The following MEI4 variants were observed in gnomAD, a reference collection of about 807,000 sequenced individuals.
MEI4 encodes meiosis-specific protein MEI4.
A neutral mutation model predicts 31.4 loss-of-function variants in MEI4; 27 were observed. That is an observed-to-expected ratio of 0.86 (90% CI 0.63 to 1.19). The LOEUF is 1.19. Ranked by LOEUF, MEI4 falls within the 50% of genes most tolerant of loss-of-function variation. The pLI is 0.00. For synonymous variants in MEI4, 122 were observed against 145.4 expected (o/e 0.84, Z 1.16); for missense variants, 329 against 398.9 (o/e 0.82, Z 1.49).
chr6:77,763,254 T>C (rs1282505791), intron 3 of MEI4, among the ~76,000 whole-genome samples: 1 of 152,044 alleles, frequency 6.6e-6, no homozygotes. Flanking sequence ...AGGTGCAAGC[T>C]GTGCTGCCTG....
At chr6:77,756,985 A>G (rs960041188) in intron 2 of MEI4, among the ~76,000 whole-genome samples, 4 of 152,196 alleles carry the variant, frequency 2.6e-5, no homozygotes, top group African/African-American at 7.2e-5. Context: ...AATGAACACT[A>G]TAATGGAAAT....
At chr6:77,861,470 T>C (rs933384468) in intron 4 of MEI4, among the ~76,000 whole-genome samples, 2 of 152,214 alleles carry the variant, frequency 1.3e-5, no homozygotes, top group Non-Finnish European at 2.9e-5. Context: ...AGATGAACTA[T>C]TTATGTCAAC....
chr6:77,857,571 C>G (rs546030912), intron 4 of MEI4, among the ~76,000 whole-genome samples: 17 of 152,288 alleles, frequency 1.1e-4, no homozygotes, highest in Admixed American at 2.0e-4. Flanking sequence ...GGAATACTCT[C>G]CTACTCATGA....
At chr6:77,801,540 T>G (rs916558287) in intron 3 of MEI4, among the ~76,000 whole-genome samples, 1 of 152,200 alleles carries the variant, frequency 6.6e-6, no homozygotes, top group African/African-American at 2.4e-5. Context: ...CTTTTGAATG[T>G]GTTTGCTCTT....
intron 3 of MEI4, among the ~76,000 whole-genome samples, chr6:77,804,687 A>G (rs775371531): frequency 2.0e-5 from 3 of 152,210 alleles, no homozygotes; most frequent in Non-Finnish European, 2.9e-5. Flanking sequence ...GTTTCTGAGT[A>G]TACTGATATC....
intron 2 of MEI4, among the ~76,000 whole-genome samples, chr6:77,747,687 C>G (rs776567448): frequency 2.6e-5 from 4 of 152,154 alleles, no homozygotes; most frequent in African/African-American, 9.7e-5. Flanking sequence ...TGGTCCCTCT[C>G]AAGTCTCATA....
chr6:77,789,877 C>A (rs916016761), intron 3 of MEI4, among the ~76,000 whole-genome samples: 1 of 152,064 alleles, frequency 6.6e-6, no homozygotes, highest in South Asian at 2.1e-4. Context: ...ACTAGAAATA[C>A]CATTTGACCC....
At chr6:77,788,298 A>C (rs940568057) in intron 3 of MEI4, among the ~76,000 whole-genome samples, 7 of 152,236 alleles carry the variant, frequency 4.6e-5, no homozygotes, top group Non-Finnish European at 1.0e-4. Context: ...CCAATATCAT[A>C]CTGAATAGGC....
chr6:77,670,011 C>T (rs1215776908), intron 1 of MEI4, among the ~76,000 whole-genome samples: 1 of 152,162 alleles, frequency 6.6e-6, no homozygotes, highest in Non-Finnish European at 1.5e-5. Context: ...TAAGTTTGTT[C>T]TCATCTCAGA....
chr6:77,830,538 C>T (rs535723836), intron 4 of MEI4, among the ~76,000 whole-genome samples: 1 of 152,000 alleles, frequency 6.6e-6, no homozygotes, highest in Non-Finnish European at 1.5e-5. Context: ...AGTTAAGATA[C>T]TTTAAAATAA....
intron 4 of MEI4, among the ~76,000 whole-genome samples, chr6:77,849,430 G>A (rs922856424): frequency 1.2e-4 from 19 of 152,078 alleles, no homozygotes; most frequent in African/African-American, 4.1e-4. Context: ...GTGTGAGAGG[G>A]GTGAACTGAC....
chr6:77,661,860 C>T (rs185542591), intron 1 of MEI4, among the ~76,000 whole-genome samples: 3 of 152,058 alleles, frequency 2.0e-5, no homozygotes, highest in Non-Finnish European at 4.4e-5. Context: ...AAAAACTGGC[C>T]GTGAGGGACA....
At chr6:77,913,227 TG>T (rs1766469497) in intron 4 of MEI4, among the ~76,000 whole-genome samples, 5 of 152,002 alleles carry the variant, frequency 3.3e-5, no homozygotes, top group Admixed American at 2.6e-4. Flanking sequence ...GTGTTCATTA[TG>T]TTTATTGACC....
At chr6:77,713,421 CTT>C (rs199664130) in intron 2 of MEI4, among the ~76,000 whole-genome samples, 3 of 105,090 alleles carry the variant, frequency 2.9e-5, no homozygotes, top group Admixed American at 9.5e-5. Context: ...TTAATTCTGT[CTT>C]ATATAAACAA....
At chr6:77,845,904 A>G (rs1438368733) in intron 4 of MEI4, among the ~76,000 whole-genome samples, 2 of 149,520 alleles carry the variant, frequency 1.3e-5, no homozygotes, top group Non-Finnish European at 3.0e-5. Flanking sequence ...TTTTTCTTTT[A>G]AGCTGAAGAA....
intron 4 of MEI4, among the ~76,000 whole-genome samples, chr6:77,836,840 G>T (rs560362861): frequency 2.0e-5 from 3 of 152,172 alleles, no homozygotes; most frequent in Non-Finnish European, 4.4e-5. Context: ...ATTATAATTT[G>T]CATCAAACTG....
In MEI4 at chr6:77,923,862, C is replaced by CT. The variant is rs754701339; in HGVS notation, c.*522dup. On this transcript the variant is annotated 3_prime_UTR_variant, in exon 5 of 5. Transcript: ENST00000684080. ...AGACGAGAATCATATAGAAGTAGAA[C>CT]TTTTTTAACATTTGGAAACTTAATT... The CT allele has an allele frequency of 1.3e-5, 2 of 151,720 alleles. No individual in the cohort carries two copies. The highest frequency in any genetic ancestry group is 2.9e-5 in the Non-Finnish European group (2 of 67,828). 9.4% of individuals were successfully genotyped at this position (151,720 alleles called of 1,614,324 possible).
chr6:77,831,489 G>T lies in MEI4; in HGVS notation c.900+2427G>T, dbSNP rs1426867537. Among the ~76,000 whole-genome samples, 4 of 150,192 alleles carry T rather than the reference G, an allele frequency of 2.7e-5. No homozygotes were observed. The East Asian group carries it at 7.8e-4, about 29-fold the overall frequency. The stretch of plus-strand genomic sequence containing the variant: ...TCAACCTAAGTGTCCATCACTAAAT[G>T]AATGAATAAAGATAATTTTATATAT... On this transcript the variant is annotated intron_variant, in intron 4 of 4. Coordinates refer to ENST00000684080, the MANE Select transcript of MEI4 (RefSeq NM_001322247.2).
In MEI4 at chr6:77,724,970, T is replaced by C. The variant is rs528752067; in HGVS notation, c.232+34067T>C. Among the ~76,000 whole-genome samples, 28 of 142,576 alleles carry C rather than the reference T, an allele frequency of 2.0e-4. 1 individual carries two copies. The South Asian group carries it at 5.9e-3, about 30-fold the overall frequency. 93.5% of individuals were successfully genotyped at this position (142,576 alleles called of 152,430 possible). A position where few individuals can be genotyped will look rare whatever the true frequency, so the allele number is the denominator to read the frequency against. The stretch of plus-strand genomic sequence containing the variant: ...CATCAGAAACTGAAATACTATCTTC[T>C]TCTGTTTGAAATGGTTCTAAAGCTG... On this transcript the variant is annotated intron_variant, in intron 2 of 4. Coordinates refer to ENST00000684080, the MANE Select transcript of MEI4 (RefSeq NM_001322247.2).
Sources: gnomAD v4.1 joint callset for allele counts (sites outside exome capture counted in the v4.1 genomes callset) on GRCh38, gnomAD v4.1.1 for gene constraint, MANE v1.5 for transcripts, NCBI Gene and HGNC (gene_info 2026-07-23, HGNC 2026-07-21) for gene names.